The following ZDHHC15 variants were observed in gnomAD, a reference collection of about 807,000 sequenced individuals.
The protein encoded by ZDHHC15 is zDHHC palmitoyltransferase 15.
A neutral mutation model predicts 31.7 loss-of-function variants in ZDHHC15; 19 were observed. That is an observed-to-expected ratio of 0.60 (90% CI 0.42 to 0.88). The LOEUF (loss-of-function observed/expected upper bound fraction) is 0.88, where lower values mean the gene tolerates loss of function less well. Ranked by LOEUF, ZDHHC15 falls within the 40% of genes least tolerant of loss-of-function variation. The pLI is 0.00. For missense variants in ZDHHC15, 209 were observed against 251.2 expected (o/e 0.83, Z 1.14); for synonymous variants, 103 against 90.0 (o/e 1.14, Z -0.82).
chrX:75,500,830 TG>T (rs1375651282), intron 2 of ZDHHC15, among the ~76,000 whole-genome samples: 1 of 109,457 alleles, frequency 9.1e-6, no homozygotes, highest in Non-Finnish European at 1.9e-5. Context: ...AGTCTGGAGG[TG>T]AGTCTAAAAG....
At chrX:75,433,687 GTGTGTGTGTGTATATATATA>G (rs1366106252) in intron 4 of ZDHHC15, among the ~76,000 whole-genome samples, 7 of 8,154 alleles carry the variant, frequency 8.6e-4, no homozygotes, top group African/African-American at 9.8e-4. Context: ...GTGTGTGTGT[GTGTGTGTGTGTATATATATA>G]TATATATATA....
intron 9 of ZDHHC15, among the ~76,000 whole-genome samples, chrX:75,421,415 TATATATAA>T: frequency 1.6e-5 from 1 of 64,165 alleles, no homozygotes. Context: ...ATATATAATA[TATATATAA>T]TATATATATA....
In ZDHHC15 at chrX:75,451,491, C is replaced by A. The variant is rs145138248; in HGVS notation, c.259-569G>T. Among the ~76,000 whole-genome samples the A allele has an allele frequency of 4.1e-3, 459 of 111,890 alleles. 3 individuals carry two copies. The highest frequency in any genetic ancestry group is 0.014 in the African/African-American group (431 of 30,959). On this transcript the variant is annotated intron_variant, in intron 3 of 11. Transcript: ENST00000373367. The stretch of plus-strand genomic sequence containing the variant: ...TAGTCTCGTATGGAGCTTGTTGCCA[C>A]AATAGTGCCACATTTTGCTAATCTT...
chrX:75,501,277 C>G lies in ZDHHC15; in HGVS notation c.163+4544G>C, dbSNP rs1450102321. Among the ~76,000 whole-genome samples, 7 of 111,365 alleles carry G rather than the reference C, an allele frequency of 6.3e-5. No homozygotes were observed. The Admixed American group carries it at 6.7e-4, about 11-fold the overall frequency. On this transcript the variant is annotated intron_variant, in intron 2 of 11. Transcript: ENST00000373367. ...GCCCCATCCATGTTCCCACAAAAGACATGATCTCATTCTTTTCTATAGCTG... is the reference window on the plus strand; with the variant it reads ...GCCCCATCCATGTTCCCACAAAAGAGATGATCTCATTCTTTTCTATAGCTG...
intron 11 of ZDHHC15, among the ~76,000 whole-genome samples, chrX:75,378,912 G>A (rs932396439): frequency 1.5e-4 from 17 of 111,653 alleles, no homozygotes; most frequent in African/African-American, 5.5e-4. Flanking sequence ...ATAAGTGTGA[G>A]TTTGCAGGGA....
chrX:75,514,595 T>A (rs2085327277), intron 1 of ZDHHC15, among the ~76,000 whole-genome samples: 1 of 111,738 alleles, frequency 8.9e-6, no homozygotes, highest in Admixed American at 9.5e-5. Flanking sequence ...GGGCATCACC[T>A]CACCCAGGAA....
chrX:75,516,822 T>G (rs1457209833), intron 1 of ZDHHC15, among the ~76,000 whole-genome samples: 1 of 109,802 alleles, frequency 9.1e-6, no homozygotes, highest in Non-Finnish European at 1.9e-5. Context: ...GGAGAAAATT[T>G]TTACAATCTA....
intron 9 of ZDHHC15, among the ~76,000 whole-genome samples, chrX:75,418,002 G>A (rs889247820): frequency 2.7e-5 from 3 of 112,178 alleles, no homozygotes; most frequent in Admixed American, 9.5e-5. Context: ...GAGAATGTAA[G>A]TGTACTGATT....
chrX:75,510,596 T>C (rs1167418093), intron 1 of ZDHHC15, among the ~76,000 whole-genome samples: 1 of 101,049 alleles, frequency 9.9e-6, no homozygotes, highest in Non-Finnish European at 2.0e-5. Context: ...TAAATTATAC[T>C]TTAAGTTTTA....
intron 10 of ZDHHC15, chrX:75,384,924 T>A (rs1335997969): frequency 4.4e-6 from 2 of 455,962 alleles, no homozygotes; most frequent in Non-Finnish European, 7.7e-6. Flanking sequence ...ATTGGCACTA[T>A]CTACTATCGC....
chrX:75,394,517 G>A (rs1203473025), intron 10 of ZDHHC15, among the ~76,000 whole-genome samples: 2 of 108,853 alleles, frequency 1.8e-5, no homozygotes, highest in East Asian at 2.8e-4. Context: ...TGAAAATAAA[G>A]GAATGGAAAA....
intron 10 of ZDHHC15, among the ~76,000 whole-genome samples, chrX:75,401,443 G>T (rs982875840): frequency 2.7e-5 from 3 of 111,333 alleles, no homozygotes; most frequent in African/African-American, 9.8e-5. Context: ...AAGGCACAGA[G>T]TGGCAAGCTG....
intron 3 of ZDHHC15, among the ~76,000 whole-genome samples, chrX:75,469,918 T>C (rs2084477155): frequency 8.9e-6 from 1 of 112,104 alleles, no homozygotes. Context: ...GTAAGCCTTT[T>C]AAAAAAGATT....
intron 10 of ZDHHC15, among the ~76,000 whole-genome samples, chrX:75,407,291 C>T (rs1368556234): frequency 3.6e-5 from 4 of 110,899 alleles, no homozygotes; most frequent in Non-Finnish European, 7.6e-5. Context: ...CCCCTCCGCC[C>T]AGCAGCCGTC....
chrX:75,494,026 A>G (rs753470148), intron 2 of ZDHHC15, among the ~76,000 whole-genome samples: 1 of 111,734 alleles, frequency 8.9e-6, no homozygotes, highest in Non-Finnish European at 1.9e-5. Context: ...TTGTATATCT[A>G]GAAAACCCTA....
chrX:75,454,923 C>G (rs1244288995), intron 3 of ZDHHC15, among the ~76,000 whole-genome samples: 2 of 111,096 alleles, frequency 1.8e-5, no homozygotes, highest in Non-Finnish European at 1.9e-5. Context: ...AATCAATATC[C>G]TGAAAATGGC....
rs2083542526 is a variant in ZDHHC15, at chrX:75,415,791, G to C, written c.967+1296C>G. 2.7e-5 allele frequency among the ~76,000 whole-genome samples: 3 copies of C among 112,473 alleles called. No individual in the cohort carries two copies. The Admixed American group carries it at 2.8e-4, about 11-fold the overall frequency. On this transcript the variant is annotated intron_variant, in intron 10 of 11. Coordinates refer to ENST00000373367, the MANE Select transcript of ZDHHC15 (RefSeq NM_144969.3). ...TTGAAAAGGTCTGGAATTGGAGACT[G>C]CTTCAAAATATAACCTCTTTATGAT...
intron 10 of ZDHHC15, among the ~76,000 whole-genome samples, chrX:75,408,212 C>A (rs1432491851): frequency 1.6e-4 from 4 of 24,554 alleles, no homozygotes. Flanking sequence ...TCAATAAATA[C>A]TAAAAAAAAA....
At chrX:75,488,212 C>G (rs966313530) in intron 2 of ZDHHC15, among the ~76,000 whole-genome samples, 12 of 111,502 alleles carry the variant, frequency 1.1e-4, no homozygotes, top group African/African-American at 3.9e-4. Context: ...CCTAGGCATA[C>G]AGTTATCAGG....
Sources: allele counts gnomAD v4.1 joint callset (sites outside exome capture counted in the v4.1 genomes callset), GRCh38; gene constraint gnomAD v4.1.1; transcripts MANE v1.5; gene names NCBI Gene and HGNC (gene_info 2026-07-23, HGNC 2026-07-21).